Variants in HTR1F observed in about 807,000 individuals in gnomAD.
HTR1F encodes 5-hydroxytryptamine (serotonin) receptor 1F, G protein-coupled.
A neutral mutation model predicts 24.0 loss-of-function variants in HTR1F; 17 were observed. That is an observed-to-expected ratio of 0.71 (90% CI 0.48 to 1.06). The LOEUF (loss-of-function observed/expected upper bound fraction) is 1.06. Ranked by LOEUF, HTR1F falls within the 50% of genes least tolerant of loss-of-function variation. HTR1F has a pLI of 0.00. For synonymous variants in HTR1F, 186 were observed against 156.8 expected, an observed-to-expected ratio of 1.19 and a Z score of -1.39; for missense variants, 391 against 427.8, an observed-to-expected ratio of 0.91 and a Z score of 0.76.
At chr3:87,973,352 G>A (rs1216418204) in intron 2 of HTR1F, among the ~76,000 whole-genome samples, 2 of 151,944 alleles carry the variant, frequency 1.3e-5, no homozygotes, top group Non-Finnish European at 2.9e-5. Context: ...TACTCTTCCT[G>A]GTATTATAAC....
intron 2 of HTR1F, among the ~76,000 whole-genome samples, chr3:87,899,779 C>T (rs1489025570): frequency 1.3e-5 from 2 of 152,204 alleles, no homozygotes; most frequent in Non-Finnish European, 2.9e-5. Flanking sequence ...GCAGGAGAAT[C>T]GCTTGAACCA....
At chr3:87,896,916 G>A (rs546732579) in intron 2 of HTR1F, among the ~76,000 whole-genome samples, 11 of 152,156 alleles carry the variant, frequency 7.2e-5, no homozygotes, top group East Asian at 3.9e-4. Flanking sequence ...GATACATGTC[G>A]GTGAGAGTGT....
At chr3:87,883,283 A>G (rs780836702) in intron 2 of HTR1F, among the ~76,000 whole-genome samples, 24 of 152,308 alleles carry the variant, frequency 1.6e-4, no homozygotes, top group Non-Finnish European at 2.9e-4. Context: ...CAACATCAAC[A>G]AAAAGGACAC....
At chr3:87,824,898 A>G (rs1430433243) in intron 2 of HTR1F, among the ~76,000 whole-genome samples, 1 of 152,122 alleles carries the variant, frequency 6.6e-6, no homozygotes, top group Non-Finnish European at 1.5e-5. Flanking sequence ...TTTTGTTTCC[A>G]TTTTGAATTT....
intron 2 of HTR1F, among the ~76,000 whole-genome samples, chr3:87,969,503 C>CT (rs1345155200): frequency 6.6e-6 from 1 of 152,132 alleles, no homozygotes; most frequent in Non-Finnish European, 1.5e-5. Context: ...TTCACGGGGC[C>CT]TGTAGTCCCT....
rs1366214464 is a variant in HTR1F, at chr3:87,992,373, G to A, written c.*523G>A. On this transcript the variant is annotated 3_prime_UTR_variant, in exon 3 of 3. Transcript: ENST00000319595. The stretch of plus-strand genomic sequence containing the variant: ...AGGGGGAAGGAGCAACTCTTACTTA[G>A]TGTGACTGCAGAAAATGTAAAAAAG... 1 of 167,036 alleles carries A rather than the reference G, an allele frequency of 6.0e-6. No homozygotes were observed. Among genetic ancestry groups the A allele is most frequent in the Non-Finnish European group, 1.5e-5 (1 of 68,112 alleles). The allele number at this position is 167,036 out of a possible 1,614,324, so 10.3% of individuals were successfully genotyped here.
At chr3:87,982,230 A>AATATTTTTAAATATCGAG (rs1312899541) in intron 2 of HTR1F, among the ~76,000 whole-genome samples, 1 of 152,126 alleles carries the variant, frequency 6.6e-6, no homozygotes, top group Non-Finnish European at 1.5e-5. Flanking sequence ...GCCCTTTCTA[A>AATATTTTTAAATATCGAG]ATATTTTTAA....
chr3:87,969,765 G>A (rs1199730232), intron 2 of HTR1F, among the ~76,000 whole-genome samples: 1 of 152,118 alleles, frequency 6.6e-6, no homozygotes, highest in Non-Finnish European at 1.5e-5. Context: ...GAGGGGCCAG[G>A]GTGGAATAAT....
chr3:87,804,102 ATTAT>A (rs1704036423), intron 1 of HTR1F, among the ~76,000 whole-genome samples: 1 of 152,094 alleles, frequency 6.6e-6, no homozygotes, highest in Admixed American at 6.6e-5. Context: ...TTATCTTTTT[ATTAT>A]TTGTCAGGTT....
intron 2 of HTR1F, among the ~76,000 whole-genome samples, chr3:87,931,026 C>CTTTTTTTTTTTTTTTTTTTTTATTTTTTT (rs34617109): frequency 7.6e-6 from 1 of 131,836 alleles, no homozygotes; most frequent in East Asian, 2.3e-4. Flanking sequence ...ATAGTCTTTC[C>CTTTTTTTTTTTTTTTTTTTTTATTTTTTT]TTTTTTTTTT....
intron 2 of HTR1F, among the ~76,000 whole-genome samples, chr3:87,980,880 A>T (rs1034973897): frequency 2.0e-5 from 3 of 152,152 alleles, no homozygotes; most frequent in African/African-American, 7.2e-5. Context: ...GTGGGGAGAG[A>T]TCAGGCAGCA....
chr3:87,937,940 A>G lies in HTR1F; in HGVS notation c.-42-52768A>G, dbSNP rs113068291. Reference sequence around the variant, plus strand: ...CTCCATCTCAAAAGAAAAAAAAAAAAAAAGAAGAAAGAAAGAAAGAAATAG... The same window carrying G: ...CTCCATCTCAAAAGAAAAAAAAAAAGAAAGAAGAAAGAAAGAAAGAAATAG... On this transcript the variant is annotated intron_variant, in intron 2 of 2. Transcript: ENST00000319595. Among the ~76,000 whole-genome samples the G allele has an allele frequency of 1.5e-3, 230 of 151,954 alleles. 1 individual carries two copies. Among genetic ancestry groups the G allele is most frequent in the Non-Finnish European group, 2.8e-3 (188 of 67,936 alleles).
intron 2 of HTR1F, among the ~76,000 whole-genome samples, chr3:87,900,647 G>A (rs1319358511): frequency 6.6e-6 from 1 of 152,156 alleles, no homozygotes; most frequent in Non-Finnish European, 1.5e-5. Flanking sequence ...AGAGGTGGCA[G>A]TGAGAATTTG....
intron 2 of HTR1F, among the ~76,000 whole-genome samples, chr3:87,859,206 G>A (rs1705265529): frequency 6.6e-6 from 1 of 152,126 alleles, no homozygotes; most frequent in Admixed American, 6.6e-5. Flanking sequence ...GTCAAAAAAG[G>A]AAGTTAAAAC....
intron 2 of HTR1F, chr3:87,910,159 A>G (rs1303141477): frequency 6.6e-6 from 1 of 151,874 alleles, no homozygotes; most frequent in Non-Finnish European, 1.5e-5. Flanking sequence ...TTTCTTGATA[A>G]ATTTAAGGAA....
At chr3:87,869,959 T>A (rs370767010) in intron 2 of HTR1F, among the ~76,000 whole-genome samples, 11 of 152,240 alleles carry the variant, frequency 7.2e-5, no homozygotes, top group Non-Finnish European at 1.0e-4. Context: ...TAAGATACAA[T>A]TCTCAGTTTG....
chr3:87,902,975 T>C (rs1407126572), intron 2 of HTR1F, among the ~76,000 whole-genome samples: 4 of 151,156 alleles, frequency 2.6e-5, no homozygotes, highest in Non-Finnish European at 4.4e-5. Flanking sequence ...ATGCCGCATA[T>C]CTACAACTAT....
At chr3:87,808,491 G>A (rs1704108784) in intron 1 of HTR1F, among the ~76,000 whole-genome samples, 1 of 150,552 alleles carries the variant, frequency 6.6e-6, no homozygotes. Flanking sequence ...GATTTTGCCT[G>A]GGCCTTCTTT....
At chr3:87,877,560 A>G (rs1048192374) in intron 2 of HTR1F, among the ~76,000 whole-genome samples, 2 of 152,156 alleles carry the variant, frequency 1.3e-5, no homozygotes, top group Non-Finnish European at 2.9e-5. Flanking sequence ...TTATAGCTTT[A>G]TATCATATCA....
Sources: gnomAD v4.1 joint callset for allele counts (sites outside exome capture counted in the v4.1 genomes callset) on GRCh38, gnomAD v4.1.1 for gene constraint, MANE v1.5 for transcripts, NCBI Gene and HGNC (gene_info 2026-07-23, HGNC 2026-07-21) for gene names.